Variants in KCNJ16 observed in about 807,000 individuals in gnomAD.
KCNJ16 encodes inward rectifier potassium channel 16.
In KCNJ16, 15 loss-of-function variants were observed where a neutral mutation model predicts 18.5. That is an observed-to-expected ratio of 0.81 (90% confidence interval 0.54 to 1.25). The LOEUF (loss-of-function observed/expected upper bound fraction) is 1.25, where lower values mean the gene tolerates loss of function less well. Among genes scored for constraint, KCNJ16 ranks in the 50% most tolerant of loss-of-function variants. The pLI, the probability that KCNJ16 is intolerant of heterozygous loss-of-function variation, is 0.00. For synonymous variants in KCNJ16, 174 were observed against 186.5 expected (o/e 0.93, Z 0.55); for missense variants, 523 against 525.7 (o/e 0.99, Z 0.05).
intron 1 of KCNJ16, among the ~76,000 whole-genome samples, chr17:70,088,802 G>A (rs957444491): frequency 2.0e-5 from 3 of 151,890 alleles, no homozygotes; most frequent in Admixed American, 6.6e-5. Context: ...GTTTATTTAT[G>A]TGATTCTGAC....
Position 70,103,296 on chromosome 17 carries a change from GTATA to G in KCNJ16, c.-191+2553_-191+2556del, listed in dbSNP as rs1173280296. Among the ~76,000 whole-genome samples the G allele has an allele frequency of 1.7e-3, 124 of 72,052 alleles. 1 individual carries two copies. The highest frequency in any genetic ancestry group is 5.1e-3 in the African/African-American group (115 of 22,500). The allele number at this position is 72,052 out of a possible 152,430, so 47.3% of individuals were successfully genotyped here. A position where few individuals can be genotyped will look rare whatever the true frequency, so the allele number is the denominator to read the frequency against. On this transcript the variant is annotated intron_variant, in intron 2 of 3. Coordinates refer to ENST00000392671, the MANE Select transcript of KCNJ16 (RefSeq NM_170741.4). ...ATATAATATGCATATATGTGTGTGT[GTATA>G]TATATATATATATATATATATACAC...
At chr17:70,090,704 A>G (rs2072045554) in intron 1 of KCNJ16, among the ~76,000 whole-genome samples, 1 of 151,760 alleles carries the variant, frequency 6.6e-6, no homozygotes, top group Admixed American at 6.6e-5. Flanking sequence ...CGGCTAACCC[A>G]CTCACAATAC....
intron 1 of KCNJ16, among the ~76,000 whole-genome samples, chr17:70,095,526 T>A (rs1227363632): frequency 6.6e-6 from 1 of 152,208 alleles, no homozygotes; most frequent in Non-Finnish European, 1.5e-5. Flanking sequence ...AACGTGAAGC[T>A]TTTCTACTCT....
chr17:70,088,103 A>G (rs978510700), intron 1 of KCNJ16, among the ~76,000 whole-genome samples: 2 of 151,924 alleles, frequency 1.3e-5, no homozygotes, highest in South Asian at 2.1e-4. Context: ...TCACCACCAC[A>G]AAACTGTTTT....
At chr17:70,117,177 T>C (rs770856542) in intron 2 of KCNJ16, among the ~76,000 whole-genome samples, 1 of 152,162 alleles carries the variant, frequency 6.6e-6, no homozygotes, top group African/African-American at 2.4e-5. Flanking sequence ...TGAAGGCCAT[T>C]ATCCTAAGTG....
chr17:70,099,105 C>T (rs775467463), intron 1 of KCNJ16, among the ~76,000 whole-genome samples: 20 of 152,282 alleles, frequency 1.3e-4, no homozygotes, highest in Non-Finnish European at 2.4e-4. Flanking sequence ...AATGCACCAG[C>T]ACTCTGCTTC....
At chr17:70,103,286 A>ATGTGTGAGATG (rs367701950) in intron 2 of KCNJ16, among the ~76,000 whole-genome samples, 1 of 103,814 alleles carries the variant, frequency 9.6e-6, no homozygotes, top group African/African-American at 3.9e-5. Flanking sequence ...ATATGCATAT[A>ATGTGTGAGATG]TGTGTGTGTG....
In KCNJ16 at chr17:70,133,128, A is replaced by G. The variant is rs1244837608; in HGVS notation, c.1041A>G (p.Lys347=). The part of the protein sequence containing the change: ...PFCSAKQLDW[K]DQQLHIEKAP... ...GCAGTGCCAAGCAATTGGACTGGAAAGACCAGCAGCTCCACATAGAAAAAG... is the reference window on the plus strand; with the variant it reads ...GCAGTGCCAAGCAATTGGACTGGAAGGACCAGCAGCTCCACATAGAAAAAG... The change falls in exon 4 of 4, where the codon AAA becomes AAG. Residue 347 remains lysine (K), a synonymous_variant. Transcript: ENST00000392671. 6.2e-7 allele frequency: 1 copy of G among 1,614,204 alleles called. No individual in the cohort carries two copies. The highest frequency in any genetic ancestry group is 8.5e-7 in the Non-Finnish European group (1 of 1,180,042).
At chr17:70,119,177 T>C (rs2144113972) in intron 2 of KCNJ16, among the ~76,000 whole-genome samples, 1 of 152,358 alleles carries the variant, frequency 6.6e-6, no homozygotes, top group South Asian at 2.1e-4. Context: ...TGCAAGGGGT[T>C]AGGTTCACAA....
chr17:70,090,544 T>A (rs1033861023), intron 1 of KCNJ16, among the ~76,000 whole-genome samples: 5 of 152,202 alleles, frequency 3.3e-5, no homozygotes, highest in African/African-American at 1.2e-4. Flanking sequence ...ACGATAGACA[T>A]TGAAAAACCC....
chr17:70,091,856 G>A (rs923562175), intron 1 of KCNJ16, among the ~76,000 whole-genome samples: 1 of 152,230 alleles, frequency 6.6e-6, no homozygotes, highest in East Asian at 1.9e-4. Flanking sequence ...TAATCGGGGA[G>A]TGTGGAGTTC....
At chr17:70,098,784 C>T (rs1271652681) in intron 1 of KCNJ16, among the ~76,000 whole-genome samples, 1 of 152,102 alleles carries the variant, frequency 6.6e-6, no homozygotes, top group Non-Finnish European at 1.5e-5. Context: ...TGGAATGGAA[C>T]CTTTGAAGTA....
At chr17:70,091,032 A>C (rs2072067443) in intron 1 of KCNJ16, among the ~76,000 whole-genome samples, 1 of 152,132 alleles carries the variant, frequency 6.6e-6, no homozygotes, top group Non-Finnish European at 1.5e-5. Flanking sequence ...CTTTACAAAA[A>C]TGCCTTGTTT....
chr17:70,110,073 C>G (rs1006622322), intron 2 of KCNJ16, among the ~76,000 whole-genome samples: 4 of 152,172 alleles, frequency 2.6e-5, no homozygotes, highest in Non-Finnish European at 5.9e-5. Flanking sequence ...TCTCCAGACA[C>G]GAAGATGGAA....
intron 1 of KCNJ16, among the ~76,000 whole-genome samples, chr17:70,086,761 T>C (rs2071816039): frequency 6.6e-6 from 1 of 152,236 alleles, no homozygotes; most frequent in Admixed American, 6.5e-5. Flanking sequence ...GATCAGATCA[T>C]ACACTGGCAT....
At chr17:70,131,205 A>AG (rs2144285846) in intron 3 of KCNJ16, 1 of 751,352 alleles carries the variant, frequency 1.3e-6, no homozygotes, top group East Asian at 2.9e-5. Flanking sequence ...AAAAAAAAAA[A>AG]AAAAGAAAGA....
chr17:70,093,898 G>A (rs965761349), intron 1 of KCNJ16, among the ~76,000 whole-genome samples: 3 of 151,698 alleles, frequency 2.0e-5, no homozygotes, highest in African/African-American at 7.3e-5. Flanking sequence ...TCAGCAAGCA[G>A]GCGATCTTAG....
At chr17:70,111,818 T>C (rs1279639404) in intron 2 of KCNJ16, among the ~76,000 whole-genome samples, 1 of 152,094 alleles carries the variant, frequency 6.6e-6, no homozygotes, top group Non-Finnish European at 1.5e-5. Context: ...CTCTTGCTGC[T>C]GCCAAGTAAG....
At chr17:70,103,286 A>ATGTGTGTGTCTGTGTGTGTG (rs2072739039) in intron 2 of KCNJ16, among the ~76,000 whole-genome samples, 3 of 103,814 alleles carry the variant, frequency 2.9e-5, no homozygotes, top group Non-Finnish European at 5.6e-5. Context: ...ATATGCATAT[A>ATGTGTGTGTCTGTGTGTGTG]TGTGTGTGTG....
Sources: gnomAD v4.1 joint callset for allele counts (sites outside exome capture counted in the v4.1 genomes callset) on GRCh38, gnomAD v4.1.1 for gene constraint, MANE v1.5 for transcripts, NCBI Gene and HGNC (gene_info 2026-07-23, HGNC 2026-07-21) for gene names.